The following HSP90AA1 variants were observed in gnomAD, a reference collection of about 807,000 sequenced individuals.
HSP90AA1 encodes heat shock protein HSP 90-alpha.
Under a neutral mutation model 73.3 loss-of-function variants are expected in HSP90AA1, and 18 were observed. The ratio of observed to expected loss-of-function variants is 0.25; its 90% CI spans 0.17 to 0.36. The LOEUF (loss-of-function observed/expected upper bound fraction) is 0.36, where lower values mean the gene tolerates loss of function less well. HSP90AA1 is among the 10% of genes least tolerant of loss of function. HSP90AA1 has a pLI of 1.00. For synonymous variants in HSP90AA1, 477 were observed against 296.9 expected (o/e 1.61, Z -6.24); for missense variants, 704 against 874.2 (o/e 0.81, Z 2.45).
At chr14:102,089,312 G>T (rs926873029), upstream of HSP90AA1, among the ~76,000 whole-genome samples, 9 of 152,130 alleles carry the variant, frequency 5.9e-5, no homozygotes, top group Admixed American at 2.0e-4. Flanking sequence ...CTGGGTCTGG[G>T]CATCACTGGG....
intron 1 of HSP90AA1, among the ~76,000 whole-genome samples, chr14:102,129,757 C>T (rs1463624145): frequency 2.0e-5 from 3 of 151,754 alleles, no homozygotes; most frequent in Non-Finnish European, 4.4e-5. Context: ...CCTGCCTTGG[C>T]CTCCCAAAGT....
chr14:102,082,565 A>G (rs1037255833), intron 9 of HSP90AA1, 121 bp from the exon 10 acceptor site: 2 of 755,228 alleles, frequency 2.6e-6, no homozygotes, highest in Non-Finnish European at 2.3e-6. Context: ...TGTCAAATAC[A>G]ACTTAAATGT....
intron 1 of HSP90AA1, chr14:102,139,221 T>C: frequency 6.2e-7 from 1 of 1,613,554 alleles, no homozygotes; most frequent in Non-Finnish European, 8.5e-7. Flanking sequence ...TAAAACATAG[T>C]GAAGCGTAAA....
At chr14:102,134,867 TTC>T (rs1363703605) in intron 1 of HSP90AA1, among the ~76,000 whole-genome samples, 3 of 152,230 alleles carry the variant, frequency 2.0e-5, no homozygotes, top group African/African-American at 7.2e-5. Flanking sequence ...CCTGCTTTTA[TTC>T]TCTTATCTGG....
exon 1 of HSP90AA1, chr14:102,139,410 C>A: frequency 6.4e-7 from 1 of 1,554,572 alleles, no homozygotes; most frequent in Non-Finnish European, 8.7e-7. Context: ...GGCATCCGCG[C>A]TCCCCGTAGG....
At chr14:102,124,398 G>T (rs951028383) in intron 1 of HSP90AA1, among the ~76,000 whole-genome samples, 1 of 151,728 alleles carries the variant, frequency 6.6e-6, no homozygotes, top group Non-Finnish European at 1.5e-5. Context: ...TCACCATGTT[G>T]GCCAGGTTGG....
rs184455733 is a variant in HSP90AA1, at chr14:102,108,879, A to G, written c.156-6794T>C. Among the ~76,000 whole-genome samples, 13 of 152,220 alleles carry G rather than the reference A, an allele frequency of 8.5e-5. No homozygotes were observed. The East Asian group carries it at 2.5e-3, about 29-fold the overall frequency. ...CTGATTGCTTTGGCTAATACTTTCA[A>G]TACACTGTTGAACAGTAGTGGAGAT... On this transcript the variant is annotated intron_variant, in intron 1 of 11. Coordinates refer to the HSP90AA1 transcript ENST00000334701.
chr14:102,084,922 TTTTC>T lies in HSP90AA1; in HGVS notation c.736_739del (p.Glu246LysfsTer70), dbSNP rs557944512. 3.2e-6 allele frequency: 5 copies of T among 1,582,008 alleles called. No homozygotes were observed. Among genetic ancestry groups the T allele is most frequent in the South Asian group, 1.1e-5 (1 of 90,156 alleles). ...TTTGTCTTCCGACTCTTTCTCTTCTTTTTCTTTTTCTTCTTCTTTGTCTTCCTTT... is the reference window on the plus strand; with the variant it reads ...TTTGTCTTCCGACTCTTTCTCTTCTTTTTTTCTTCTTCTTTGTCTTCCTTT... On this transcript the variant is annotated frameshift_variant, in exon 5 of 11. Transcript: ENST00000216281. LOFTEE classifies it high-confidence loss of function.
At chr14:102,109,846 C>T (rs1347394272) in intron 1 of HSP90AA1, among the ~76,000 whole-genome samples, 1 of 152,112 alleles carries the variant, frequency 6.6e-6, no homozygotes, top group East Asian at 1.9e-4. Flanking sequence ...GACCAAAATG[C>T]CGATGATGAT....
chr14:102,118,854 C>CTT lies in HSP90AA1; in HGVS notation c.156-16771_156-16770dup, dbSNP rs11298881. ...CTCTGACTCTTCTTGCTTTTCCTTC[C>CTT]TTTTTTTTTTTTTTTTTGAGACAAA... is the stretch of plus-strand genomic sequence containing the variant. On this transcript the variant is annotated intron_variant, in intron 1 of 11. Transcript: ENST00000334701. 9.7e-3 allele frequency among the ~76,000 whole-genome samples: 1,039 copies of CTT among 107,096 alleles called. 9 individuals carry two copies. The highest frequency in any genetic ancestry group is 0.015 in the Non-Finnish European group (753 of 50,692). The allele number at this position is 107,096 out of a possible 152,430, so 70.3% of individuals were successfully genotyped here.
chr14:102,120,502 T>C (rs2049763333), intron 1 of HSP90AA1, among the ~76,000 whole-genome samples: 2 of 152,098 alleles, frequency 1.3e-5, no homozygotes, highest in Non-Finnish European at 1.5e-5. Flanking sequence ...TTGACACACA[T>C]AAGAAATACG....
At position 102,119,887 on chromosome 14, in the gene HSP90AA1, G is replaced by A. The variant is rs374813282; in HGVS notation, c.156-17802C>T. ...GAGTGTCTATATGATCCATAAAGTT[G>A]TATGCAAAATTTGGTATGCATATAC... On this transcript the variant is annotated intron_variant, in intron 1 of 11. Transcript: ENST00000334701. Among the ~76,000 whole-genome samples the A allele has an allele frequency of 1.1e-4, 16 of 152,256 alleles. No homozygotes were observed. In the East Asian group the frequency reaches 2.9e-3, roughly 27 times the overall value.
upstream of HSP90AA1, among the ~76,000 whole-genome samples, chr14:102,088,297 C>T (rs140272566): frequency 6.6e-5 from 10 of 152,256 alleles, no homozygotes; most frequent in African/African-American, 2.4e-4. Context: ...TGTCCTCTTC[C>T]TCTTTGTCTC....
upstream of HSP90AA1, among the ~76,000 whole-genome samples, chr14:102,087,967 G>A (rs2049290669): frequency 1.9e-5 from 1 of 52,182 alleles, no homozygotes; most frequent in South Asian, 6.6e-4. Flanking sequence ...TTTTTTTTTG[G>A]ACAGGCTCTC....
At chr14:102,111,521 G>C (rs898221767) in intron 1 of HSP90AA1, among the ~76,000 whole-genome samples, 3 of 152,124 alleles carry the variant, frequency 2.0e-5, no homozygotes, top group Non-Finnish European at 4.4e-5. Context: ...ACAGGCATTG[G>C]GTAAATACAC....
At chr14:102,121,808 C>T (rs1226468738) in intron 1 of HSP90AA1, among the ~76,000 whole-genome samples, 1 of 152,106 alleles carries the variant, frequency 6.6e-6, no homozygotes, top group African/African-American at 2.4e-5. Flanking sequence ...GAATTGCTTG[C>T]TTATGTCCTT....
chr14:102,090,901 G>A (rs2049348666), upstream of HSP90AA1, among the ~76,000 whole-genome samples: 1 of 152,184 alleles, frequency 6.6e-6, no homozygotes. Context: ...AGTAAAGCTG[G>A]AGCATGGATT....
At chr14:102,104,559 C>G (rs1376928868) in intron 1 of HSP90AA1, among the ~76,000 whole-genome samples, 13 of 152,106 alleles carry the variant, frequency 8.5e-5, no homozygotes, top group Admixed American at 7.9e-4. Context: ...ATGACCAAAT[C>G]AGGGTAATTG....
rs2049208787 is a variant in HSP90AA1 at position 102,085,577 on chromosome 14, T to C, written c.530-146A>G. The C allele has an allele frequency of 8.5e-6, 10 of 1,178,288 alleles. No homozygotes were observed. In the East Asian group the frequency reaches 1.9e-4, roughly 23 times the overall value. 73.0% of individuals were successfully genotyped at this position (1,178,288 alleles called of 1,614,324 possible). On this transcript the variant is annotated intron_variant, in intron 3 of 10. Coordinates refer to ENST00000216281, the MANE Select transcript of HSP90AA1 (RefSeq NM_005348.4). The stretch of plus-strand genomic sequence containing the variant: ...CCACAGCAGAACCTTTTGGGCAAGG[T>C]GCCTCGCCCAAAAGAACCGCCCACC...
Sources: gnomAD v4.1 joint callset for allele counts (sites outside exome capture counted in the v4.1 genomes callset) on GRCh38, gnomAD v4.1.1 for gene constraint, MANE v1.5 for transcripts, NCBI Gene and HGNC (gene_info 2026-07-23, HGNC 2026-07-21) for gene names.